YTHDC2: variants seen among roughly 807,000 people sequenced by gnomAD.
The protein encoded by YTHDC2 is YTH N6-methyladenosine RNA binding protein C2.
Under a neutral mutation model 174.9 loss-of-function variants are expected in YTHDC2, and 45 were observed. That is an observed-to-expected ratio of 0.26 (90% CI 0.20 to 0.33). YTHDC2 has a LOEUF of 0.33. YTHDC2 is among the 10% of genes least tolerant of loss of function. The probability of loss-of-function intolerance (pLI) is 1.00; values close to 1 mark genes in which losing one functional copy is unlikely to be tolerated. For missense variants in YTHDC2, 1,650 were observed against 1,723.7 expected, an observed-to-expected ratio of 0.96 and a Z score of 0.76; for synonymous variants, 657 against 574.5, an observed-to-expected ratio of 1.14 and a Z score of -2.05.
At chr5:113,554,733 C>A (rs1019566724) in intron 16 of YTHDC2, among the ~76,000 whole-genome samples, 2 of 137,982 alleles carry the variant, frequency 1.4e-5, no homozygotes, top group African/African-American at 6.3e-5. Flanking sequence ...AAACAGCCAA[C>A]CTTTGTTATA....
At chr5:113,573,593 C>T (rs1219325016) in intron 23 of YTHDC2, among the ~76,000 whole-genome samples, 1 of 152,134 alleles carries the variant, frequency 6.6e-6, no homozygotes, top group Non-Finnish European at 1.5e-5. Flanking sequence ...TTTTATCTTT[C>T]AGCTACCCCA....
At chr5:113,540,392 A>G (rs964255644) in intron 8 of YTHDC2, among the ~76,000 whole-genome samples, 5 of 152,224 alleles carry the variant, frequency 3.3e-5, no homozygotes, top group African/African-American at 1.2e-4. Flanking sequence ...AGGTGAATGC[A>G]TGAATGTATT....
intron 20 of YTHDC2, among the ~76,000 whole-genome samples, chr5:113,565,458 A>G (rs1045270894): frequency 6.6e-6 from 1 of 152,196 alleles, no homozygotes; most frequent in Non-Finnish European, 1.5e-5. Context: ...TATACTGCAT[A>G]TAGATGATTT....
intron 10 of YTHDC2, 73 bp from the exon 11 acceptor site, chr5:113,548,468 G>C (rs1411895309): frequency 2.1e-5 from 31 of 1,446,566 alleles, no homozygotes; most frequent in East Asian, 1.4e-4. Context: ...TGCTATTTCA[G>C]ATTTTTTAAA....
chr5:113,558,723 A>G lies in YTHDC2; in HGVS notation c.2217-2357A>G, dbSNP rs144209025. ...CAGATCACAAGGTTAGGAGTTCAAG[A>G]CCAGCCTGGCCAACATGGTGAAACC... is the stretch of plus-strand genomic sequence containing the variant. On this transcript the variant is annotated intron_variant, in intron 17 of 29. Transcript: ENST00000161863. Among the ~76,000 whole-genome samples the G allele has an allele frequency of 2.2e-3, 334 of 152,166 alleles. 7 individuals are homozygous for G. Among genetic ancestry groups the G allele is most frequent in the Admixed American group, 0.017 (266 of 15,284 alleles).
At chr5:113,539,029 T>C (rs781396826) in intron 7 of YTHDC2, 45 bp from the exon 8 acceptor site, 2 of 969,892 alleles carry the variant, frequency 2.1e-6, no homozygotes, top group Non-Finnish European at 2.9e-6. Context: ...ATGTGAATTT[T>C]CTCCAAGATG....
chr5:113,554,284 G>A (rs1346596329), intron 16 of YTHDC2, among the ~76,000 whole-genome samples: 1 of 151,948 alleles, frequency 6.6e-6, no homozygotes, highest in Non-Finnish European at 1.5e-5. Context: ...TTTTAACAAA[G>A]TATACAAAAA....
intron 23 of YTHDC2, among the ~76,000 whole-genome samples, chr5:113,571,658 T>C (rs1315191904): frequency 6.6e-6 from 1 of 152,186 alleles, no homozygotes; most frequent in Non-Finnish European, 1.5e-5. Context: ...CCAAACTTGT[T>C]ATTGGTCTAT....
chr5:113,581,068 C>T (rs1778375294), intron 24 of YTHDC2, among the ~76,000 whole-genome samples: 1 of 152,150 alleles, frequency 6.6e-6, no homozygotes, highest in Non-Finnish European at 1.5e-5. Flanking sequence ...CAGCTGCCTT[C>T]AGGACATGAT....
At chr5:113,536,846 C>G (rs74993074) in intron 7 of YTHDC2, among the ~76,000 whole-genome samples, 2,732 of 146,592 alleles carry the variant, frequency 0.019, 41 homozygotes, top group Non-Finnish European at 0.025. Context: ...ATAACGTTTA[C>G]AAAAATTGGT....
intron 10 of YTHDC2, among the ~76,000 whole-genome samples, chr5:113,546,094 A>T (rs2112641244): frequency 6.6e-6 from 1 of 152,178 alleles, no homozygotes; most frequent in South Asian, 2.1e-4. Context: ...ATATTTGTTC[A>T]TCTGCAGTTT....
intron 4 of YTHDC2, among the ~76,000 whole-genome samples, chr5:113,529,575 C>T (rs941511611): frequency 1.3e-5 from 2 of 152,100 alleles, no homozygotes; most frequent in Non-Finnish European, 2.9e-5. Flanking sequence ...ATTTATCAAG[C>T]TGATAAGCTT....
At position 113,563,300 on chromosome 5, in the gene YTHDC2, C is replaced by T. The variant is rs1221434600; in HGVS notation, c.2323-73C>T. 5 of 1,337,332 alleles carry T rather than the reference C, an allele frequency of 3.7e-6. No individual in the cohort carries two copies. The African/African-American group carries it at 4.4e-5, about 12-fold the overall frequency. 82.8% of individuals were successfully genotyped at this position (1,337,332 alleles called of 1,614,324 possible). On this transcript the variant is annotated intron_variant, in intron 18 of 29. Coordinates refer to ENST00000161863, the MANE Select transcript of YTHDC2 (RefSeq NM_022828.5). ...AGTCTGTGTTTGGGAACTGTAGTTC[C>T]CATGATTTCTTTAAATGTGTAGGTT...
Position 113,567,864 on chromosome 5 carries a change from G to T in YTHDC2, c.3244+15G>T. Reference sequence around the variant, plus strand: ...ATCCTTTAGAGGTAAATGTATTAAGGAAATAAAAATCTATTTGAAATGAAT... The same window carrying T: ...ATCCTTTAGAGGTAAATGTATTAAGTAAATAAAAATCTATTTGAAATGAAT... On this transcript the variant is annotated intron_variant, in intron 23 of 29. Transcript: ENST00000161863. 6.9e-7 allele frequency: 1 copy of T among 1,453,580 alleles called. No individual in the cohort carries two copies. The highest frequency in any genetic ancestry group is 9.1e-7 in the Non-Finnish European group (1 of 1,097,012). 90.0% of individuals were successfully genotyped at this position (1,453,580 alleles called of 1,614,324 possible).
intron 4 of YTHDC2, 25 bp downstream of exon 4, chr5:113,526,810 A>AT: frequency 1.3e-5 from 6 of 451,462 alleles, no homozygotes; most frequent in Middle Eastern, 8.0e-4. Context: ...TGTTGTTTAT[A>AT]GAAAAAAAAA....
At chr5:113,561,999 T>TGTGTGTGTGTGTGTGTGTG (rs1561676110) in intron 18 of YTHDC2, among the ~76,000 whole-genome samples, 4 of 147,824 alleles carry the variant, frequency 2.7e-5, no homozygotes, top group Admixed American at 1.3e-4. Flanking sequence ...TGTGTGTGTG[T>TGTGTGTGTGTGTGTGTGTG]TTTAAGTTTT....
chr5:113,551,495 TA>T (rs1330143233), intron 12 of YTHDC2, among the ~76,000 whole-genome samples: 1 of 152,152 alleles, frequency 6.6e-6, no homozygotes, highest in Non-Finnish European at 1.5e-5. Flanking sequence ...ATTTATGTGT[TA>T]AAAATTAAAA....
chr5:113,567,866 A>T lies in YTHDC2; in HGVS notation c.3244+17A>T. On this transcript the variant is annotated intron_variant, in intron 23 of 29. Transcript: ENST00000161863. ...CCTTTAGAGGTAAATGTATTAAGGA[A>T]ATAAAAATCTATTTGAAATGAATTT... is the stretch of plus-strand genomic sequence containing the variant. 1.4e-6 allele frequency: 2 copies of T among 1,463,172 alleles called. No individual in the cohort carries two copies. The highest frequency in any genetic ancestry group is 1.8e-6 in the Non-Finnish European group (2 of 1,102,526). The allele number at this position is 1,463,172 out of a possible 1,614,324, so 90.6% of individuals were successfully genotyped here. A position where few individuals can be genotyped will look rare whatever the true frequency, so the allele number is the denominator to read the frequency against.
At position 113,581,563 on chromosome 5, in the gene YTHDC2, A is replaced by G. The variant is rs1778404355; in HGVS notation, c.3501A>G (p.Ala1167=). ...TTTTAAGCACTGAAGAACAGTCTGC[A>G]GGTTTACAACAACCATCTGGGATTG... is the stretch of plus-strand genomic sequence containing the variant. The part of the protein sequence containing the change: ...IAVLSTEEQS[A]GLQQPSGIGQ... Residue 1167 remains alanine (A), a synonymous_variant, in exon 25 of 30, where the codon GCA becomes GCG. Coordinates refer to ENST00000161863, the MANE Select transcript of YTHDC2 (RefSeq NM_022828.5). 1.9e-6 allele frequency: 3 copies of G among 1,613,994 alleles called. No homozygotes were observed. The African/African-American group carries it at 4.0e-5, about 22-fold the overall frequency.
Sources: gnomAD v4.1 joint callset for allele counts (sites outside exome capture counted in the v4.1 genomes callset) on GRCh38, gnomAD v4.1.1 for gene constraint, MANE v1.5 for transcripts, NCBI Gene and HGNC (gene_info 2026-07-23, HGNC 2026-07-21) for gene names.